PDE7B: variants seen among roughly 807,000 people sequenced by gnomAD.
PDE7B encodes 3',5'-cyclic-AMP phosphodiesterase 7B.
A neutral mutation model predicts 56.2 loss-of-function variants in PDE7B; 29 were observed. That is an observed-to-expected ratio of 0.52 (90% CI 0.38 to 0.70). PDE7B has a LOEUF of 0.70. PDE7B is among the 30% of genes least tolerant of loss of function. The probability of loss-of-function intolerance (pLI) is 0.00; values close to 1 mark genes in which losing one functional copy is unlikely to be tolerated. For missense variants in PDE7B, 490 were observed against 565.0 expected (o/e 0.87, Z 1.35); for synonymous variants, 197 against 196.9 (o/e 1.00, Z 0.00).
At chr6:135,880,855 C>A (rs1192109738) in intron 1 of PDE7B, among the ~76,000 whole-genome samples, 1 of 152,144 alleles carries the variant, frequency 6.6e-6, no homozygotes, top group Non-Finnish European at 1.5e-5. Flanking sequence ...TGTCTGGATG[C>A]TTTCTTTGCA....
chr6:135,990,329 T>G (rs923854410), intron 2 of PDE7B, among the ~76,000 whole-genome samples: 2 of 152,084 alleles, frequency 1.3e-5, no homozygotes, highest in Non-Finnish European at 2.9e-5. Flanking sequence ...CTCCTGACTT[T>G]GGGTGATCTG....
At chr6:136,046,084 G>A (rs1260591474) in intron 2 of PDE7B, among the ~76,000 whole-genome samples, 1 of 151,786 alleles carries the variant, frequency 6.6e-6, no homozygotes, top group African/African-American at 2.4e-5. Flanking sequence ...TGTGACAGTC[G>A]TTCATTCAAA....
intron 1 of PDE7B, among the ~76,000 whole-genome samples, chr6:135,909,986 G>C (rs1020640784): frequency 6.6e-6 from 1 of 152,184 alleles, no homozygotes; most frequent in Non-Finnish European, 1.5e-5. Flanking sequence ...GCTTACATTT[G>C]CAAGAGACTG....
intron 1 of PDE7B, among the ~76,000 whole-genome samples, chr6:135,886,419 G>T (rs1043928985): frequency 6.6e-6 from 1 of 151,678 alleles, no homozygotes; most frequent in South Asian, 2.1e-4. Context: ...GTGGTTTTTG[G>T]TTACATGGAT....
At chr6:135,935,460 C>A (rs1052233218) in intron 1 of PDE7B, among the ~76,000 whole-genome samples, 1 of 151,582 alleles carries the variant, frequency 6.6e-6, no homozygotes, top group Non-Finnish European at 1.5e-5. Context: ...TTTCATCTCA[C>A]GGATTTTAAT....
Position 136,154,172 on chromosome 6 carries a change from A to G in PDE7B, c.576A>G (p.Pro192=). 1.2e-6 allele frequency: 2 copies of G among 1,609,134 alleles called. No homozygotes were observed. Among genetic ancestry groups the G allele is most frequent in the Non-Finnish European group, 1.7e-6 (2 of 1,175,632 alleles). ...CCATGCACTGCTACCTGAAAGAGCCAAAGGTAAGACAAGACCCAGCTGCCT... is the reference window on the plus strand; with the variant it reads ...CCATGCACTGCTACCTGAAAGAGCCGAAGGTAAGACAAGACCCAGCTGCCT... The part of the protein sequence containing the change: ...TQAMHCYLKE[P]KLASFLTPLD... The change falls in exon 7 of 13, where the codon CCA becomes CCG. Residue 192 remains proline, a synonymous_variant. Coordinates refer to ENST00000308191, the MANE Select transcript of PDE7B (RefSeq NM_018945.4).
At chr6:136,164,364 C>T (rs1162495401) in intron 8 of PDE7B, among the ~76,000 whole-genome samples, 3 of 152,118 alleles carry the variant, frequency 2.0e-5, no homozygotes, top group Non-Finnish European at 4.4e-5. Flanking sequence ...CACCGGGTCC[C>T]TCCTGTCACA....
intron 2 of PDE7B, among the ~76,000 whole-genome samples, chr6:135,987,810 G>A (rs1014371553): frequency 2.6e-5 from 4 of 151,832 alleles, no homozygotes; most frequent in African/African-American, 9.7e-5. Context: ...TTGCTGAAGA[G>A]GAAGCAAATA....
intron 2 of PDE7B, among the ~76,000 whole-genome samples, chr6:136,005,124 A>G (rs958038883): frequency 1.7e-4 from 26 of 152,086 alleles, no homozygotes; most frequent in African/African-American, 6.3e-4. Flanking sequence ...TATTTAATAA[A>G]TGGTGCTGGG....
At chr6:135,914,198 A>C (rs1776257438) in intron 1 of PDE7B, among the ~76,000 whole-genome samples, 1 of 152,158 alleles carries the variant, frequency 6.6e-6, no homozygotes, top group Admixed American at 6.5e-5. Context: ...GGATATTTAA[A>C]TTATTTACCT....
chr6:136,093,274 G>C (rs1777420807), intron 2 of PDE7B, among the ~76,000 whole-genome samples: 1 of 152,172 alleles, frequency 6.6e-6, no homozygotes, highest in Non-Finnish European at 1.5e-5. Flanking sequence ...GAGTTAGTGA[G>C]GCCCAGTCAC....
chr6:135,996,821 T>C (rs1165149786), intron 2 of PDE7B, among the ~76,000 whole-genome samples: 1 of 152,196 alleles, frequency 6.6e-6, no homozygotes, highest in Non-Finnish European at 1.5e-5. Context: ...GGATCCAGGG[T>C]AGATAACAGC....
chr6:136,191,829 G>C lies in PDE7B; in HGVS notation c.1342G>C (p.Asp448His). The change falls in exon 13 of 13, where the codon GAC becomes CAC. Residue 448 changes from aspartate (D) to histidine (H), a missense_variant. Transcript: ENST00000308191. ...GACTGAGAGCGAGGAGCAGGAAGGC[G>C]ACAGCCCCTAGGGGCCGGCCCAACT... ...QGTESEEQEG[D>H]SP 1 of 1,550,610 alleles carries C rather than the reference G, an allele frequency of 6.4e-7. No homozygotes were observed.
intron 1 of PDE7B, among the ~76,000 whole-genome samples, chr6:135,904,946 G>C (rs1303990850): frequency 6.6e-6 from 1 of 152,212 alleles, no homozygotes; most frequent in Non-Finnish European, 1.5e-5. Context: ...GTCACATTCA[G>C]GGGTGGTTCA....
intron 2 of PDE7B, among the ~76,000 whole-genome samples, chr6:136,021,851 C>T (rs1776077719): frequency 6.6e-6 from 1 of 152,190 alleles, no homozygotes; most frequent in South Asian, 2.1e-4. Flanking sequence ...CATCACTCTT[C>T]TTCTGAAAAC....
chr6:136,152,514 T>C (rs1219708015), intron 6 of PDE7B, among the ~76,000 whole-genome samples: 2 of 152,182 alleles, frequency 1.3e-5, no homozygotes, highest in Non-Finnish European at 2.9e-5. Context: ...AGCTAGTAAG[T>C]GGCAGAATAT....
intron 1 of PDE7B, among the ~76,000 whole-genome samples, chr6:135,858,246 A>G (rs1421616189): frequency 1.3e-5 from 2 of 151,950 alleles, no homozygotes; most frequent in South Asian, 2.1e-4. Flanking sequence ...TCCACCTCCC[A>G]GAGTCAAGCG....
At chr6:135,999,733 T>G (rs576906282) in intron 2 of PDE7B, among the ~76,000 whole-genome samples, 4 of 152,186 alleles carry the variant, frequency 2.6e-5, no homozygotes, top group Non-Finnish European at 5.9e-5. Flanking sequence ...TATGCATGCA[T>G]GTGTCTTTAT....
At chr6:136,149,528 C>T (rs1244151075) in intron 5 of PDE7B, among the ~76,000 whole-genome samples, 1 of 152,166 alleles carries the variant, frequency 6.6e-6, no homozygotes, top group Non-Finnish European at 1.5e-5. Context: ...GGGCAGGGTG[C>T]TTATGCAGTT....
Sources: allele counts gnomAD v4.1 joint callset (sites outside exome capture counted in the v4.1 genomes callset), GRCh38; gene constraint gnomAD v4.1.1; transcripts MANE v1.5; gene names NCBI Gene and HGNC (gene_info 2026-07-23, HGNC 2026-07-21).